The following MSRA variants were observed in gnomAD, a reference collection of about 807,000 sequenced individuals.
MSRA encodes the protein methionine sulfoxide reductase A, also known as mitochondrial peptide methionine sulfoxide reductase.
Under a neutral mutation model 31.3 loss-of-function variants are expected in MSRA, and 54 were observed. That is an observed-to-expected ratio of 1.73 (90% CI 1.39 to 2.17). The LOEUF (loss-of-function observed/expected upper bound fraction) is 2.17, where lower values mean the gene tolerates loss of function less well. Among genes scored for constraint, MSRA ranks in the 30% most tolerant of loss-of-function variants. The probability of loss-of-function intolerance (pLI) is 0.00; values close to 1 mark genes in which losing one functional copy is unlikely to be tolerated. For missense variants in MSRA, 507 were observed against 300.9 expected, an observed-to-expected ratio of 1.69 and a Z score of -5.07; for synonymous variants, 169 against 116.5, an observed-to-expected ratio of 1.45 and a Z score of -2.90.
At chr8:10,257,546 A>G (rs1201714124) in intron 3 of MSRA, among the ~76,000 whole-genome samples, 2 of 152,074 alleles carry the variant, frequency 1.3e-5, no homozygotes, top group Admixed American at 6.6e-5. Context: ...AGCTGGGATT[A>G]TAGGCACGCA....
At chr8:10,062,371 A>T (rs1797247536) in intron 1 of MSRA, among the ~76,000 whole-genome samples, 1 of 152,208 alleles carries the variant, frequency 6.6e-6, no homozygotes, top group African/African-American at 2.4e-5. Flanking sequence ...TGGATCTTCT[A>T]CATGCTGCTC....
intron 5 of MSRA, among the ~76,000 whole-genome samples, chr8:10,364,408 G>A (rs1360990516): frequency 2.6e-5 from 4 of 152,210 alleles, no homozygotes; most frequent in African/African-American, 7.2e-5. Context: ...CATCCTTGGC[G>A]AATCTCCATC....
intron 3 of MSRA, among the ~76,000 whole-genome samples, chr8:10,258,265 G>A (rs948294950): frequency 6.6e-6 from 1 of 152,068 alleles, no homozygotes; most frequent in African/African-American, 2.4e-5. Context: ...CTCTCAAAGA[G>A]AACAAGAAAG....
At chr8:10,287,802 A>T (rs961441103) in intron 3 of MSRA, among the ~76,000 whole-genome samples, 1 of 152,184 alleles carries the variant, frequency 6.6e-6, no homozygotes, top group Non-Finnish European at 1.5e-5. Flanking sequence ...GGACCATGGT[A>T]GAGCACTAGA....
intron 1 of MSRA, among the ~76,000 whole-genome samples, chr8:10,140,636 A>G (rs1437075134): frequency 6.6e-6 from 1 of 152,176 alleles, no homozygotes; most frequent in Non-Finnish European, 1.5e-5. Context: ...TCTCTATTTT[A>G]TAATTTGGAT....
intron 1 of MSRA, among the ~76,000 whole-genome samples, chr8:10,102,683 G>C (rs1799615338): frequency 6.6e-6 from 1 of 152,102 alleles, no homozygotes; most frequent in Admixed American, 6.6e-5. Flanking sequence ...AGGCATGTTG[G>C]GTACTATGCT....
At chr8:10,214,287 C>T (rs554205016) in intron 2 of MSRA, among the ~76,000 whole-genome samples, 2 of 152,188 alleles carry the variant, frequency 1.3e-5, no homozygotes, top group South Asian at 4.2e-4. Flanking sequence ...GAGACTTGTC[C>T]CTCTCTGGGG....
chr8:10,344,281 G>A (rs1396836731), intron 5 of MSRA, among the ~76,000 whole-genome samples: 2 of 152,138 alleles, frequency 1.3e-5, no homozygotes. Flanking sequence ...TCTAATGGTG[G>A]ACTATAGAGT....
chr8:10,198,003 C>G (rs1371493452), intron 1 of MSRA, among the ~76,000 whole-genome samples: 4 of 152,172 alleles, frequency 2.6e-5, no homozygotes, highest in African/African-American at 9.7e-5. Context: ...CTTTCTCTTT[C>G]CTGCTCAAAG....
At chr8:10,086,282 G>T (rs1251438347) in intron 1 of MSRA, among the ~76,000 whole-genome samples, 1 of 152,244 alleles carries the variant, frequency 6.6e-6, no homozygotes, top group Non-Finnish European at 1.5e-5. Flanking sequence ...AGGTTGAGCA[G>T]TTGGATGCTG....
chr8:10,190,083 A>C (rs1181043852), intron 1 of MSRA, among the ~76,000 whole-genome samples: 1 of 152,150 alleles, frequency 6.6e-6, no homozygotes, highest in Non-Finnish European at 1.5e-5. Flanking sequence ...TGATAAGCCA[A>C]GGAATGTCCT....
At chr8:10,226,455 A>C (rs1811007906) in intron 2 of MSRA, among the ~76,000 whole-genome samples, 1 of 152,106 alleles carries the variant, frequency 6.6e-6, no homozygotes, top group Non-Finnish European at 1.5e-5. Context: ...TATGTCCTAC[A>C]TTTTCTCTTA....
At chr8:10,072,455 G>A (rs796103180) in intron 1 of MSRA, among the ~76,000 whole-genome samples, 5 of 152,178 alleles carry the variant, frequency 3.3e-5, no homozygotes, top group African/African-American at 9.6e-5. Flanking sequence ...ACTCCCTCCC[G>A]TTGATCTATG....
Position 10,428,192 on chromosome 8 carries a change from G to A in MSRA, c.588G>A (p.Arg196=). The change falls in exon 6 of 6, where the codon CGG becomes CGA. Residue 196 remains arginine, a synonymous_variant. Transcript: ENST00000317173. ...TCGGCCCCATCACTACCGACATCCG[G>A]GAGGGACAGACTTTCTACTATGCGG... ...HGFGPITTDI[R]EGQTFYYAED... 6.2e-7 allele frequency: 1 copy of A among 1,614,124 alleles called. No individual in the cohort carries two copies. Among genetic ancestry groups the A allele is most frequent in the Non-Finnish European group, 8.5e-7 (1 of 1,180,012 alleles).
intron 5 of MSRA, among the ~76,000 whole-genome samples, chr8:10,327,974 A>G (rs191544282): frequency 1.5e-4 from 22 of 150,384 alleles, no homozygotes; most frequent in Admixed American, 6.6e-5. Context: ...TGCGCTACCA[A>G]TGCAGTCATT....
At chr8:10,349,721 G>A (rs927322858) in intron 5 of MSRA, among the ~76,000 whole-genome samples, 2 of 152,346 alleles carry the variant, frequency 1.3e-5, no homozygotes, top group East Asian at 3.9e-4. Flanking sequence ...TTTATTTAAT[G>A]AAATGTCACT....
At chr8:10,122,753 T>C (rs1321581747) in intron 1 of MSRA, among the ~76,000 whole-genome samples, 1 of 152,178 alleles carries the variant, frequency 6.6e-6, no homozygotes, top group African/African-American at 2.4e-5. Context: ...GTTCACATCA[T>C]TTAGCTCCCA....
chr8:10,317,925 A>G (rs1801820067), intron 4 of MSRA, among the ~76,000 whole-genome samples: 1 of 152,048 alleles, frequency 6.6e-6, no homozygotes, highest in Admixed American at 6.5e-5. Flanking sequence ...GTGACTTGTC[A>G]AGATACCTAT....
chr8:10,389,398 C>T (rs140929465), intron 5 of MSRA, among the ~76,000 whole-genome samples: 70 of 152,344 alleles, frequency 4.6e-4, no homozygotes, highest in African/African-American at 1.5e-3. Flanking sequence ...AAAGTACTCG[C>T]TTCCCTTTGC....
Sources: gnomAD v4.1 joint callset for allele counts (sites outside exome capture counted in the v4.1 genomes callset) on GRCh38, gnomAD v4.1.1 for gene constraint, MANE v1.5 for transcripts, NCBI Gene and HGNC (gene_info 2026-07-23, HGNC 2026-07-21) for gene names.